The following CKB variants were observed in gnomAD, a reference collection of about 807,000 sequenced individuals.
CKB encodes the protein creatine kinase B, also known as creatine kinase B-type.
A neutral mutation model predicts 36.9 loss-of-function variants in CKB; 15 were observed. The observed-to-expected ratio is 0.41, with a 90% CI of 0.27 to 0.63. CKB has a LOEUF of 0.63. CKB is among the 20% of genes least tolerant of loss of function. The pLI is 0.34. For synonymous variants in CKB, 250 were observed against 228.2 expected (o/e 1.10, Z -0.86); for missense variants, 413 against 534.9 (o/e 0.77, Z 2.25).
At chr14:103,520,071 A>C in intron 7 of CKB, 29 bp from the exon 8 acceptor site, 3 of 1,607,554 alleles carry the variant, frequency 1.9e-6, no homozygotes, top group Non-Finnish European at 2.5e-6. Context: ...AGGGCGGAGG[A>C]AACAGGGCTG....
In CKB at chr14:103,522,588, G is replaced by GC; in HGVS notation, c.-12-84dup. The GC allele has an allele frequency of 2.3e-6, 2 of 887,256 alleles. No homozygotes were observed. Among genetic ancestry groups the GC allele is most frequent in the Middle Eastern group, 4.0e-4 (1 of 2,490 alleles). The allele number at this position is 887,256 out of a possible 1,614,324, so 55.0% of individuals were successfully genotyped here. On this transcript the variant is annotated intron_variant, in intron 1 of 7. Transcript: ENST00000348956. The surrounding 1 kb of genome is among the most constrained non-coding windows in gnomAD (Gnocchi z 6.7). The stretch of plus-strand genomic sequence containing the variant: ...GTACCACTCAGGCCCCCGCCGCCGG[G>GC]CCCCCCGGCGCCCCCCGGGACGCGG...
At chr14:103,521,136 C>A in intron 5 of CKB, 127 bp downstream of exon 5, 1 of 1,179,372 alleles carries the variant, frequency 8.5e-7, no homozygotes, top group Non-Finnish European at 1.2e-6. Context: ...CGGAGCGCGG[C>A]CGGCCCCTCC....
chr14:103,520,821 G>C, intron 5 of CKB: 1 of 595,590 alleles, frequency 1.7e-6, no homozygotes, highest in Non-Finnish European at 2.8e-6. Flanking sequence ...GGCGGGGCCA[G>C]GGACCGCCAG....
At position 103,522,455 on chromosome 14, in the gene CKB, G is replaced by T; in HGVS notation, c.39C>A (p.Arg13=). Residue 13 remains arginine, a synonymous_variant, in exon 2 of 8, where the codon CGC becomes CGA. Coordinates refer to ENST00000348956, the MANE Select transcript of CKB (RefSeq NM_001823.5). The surrounding 1 kb of genome is among the most constrained non-coding windows in gnomAD (Gnocchi z 6.7). ...FSNSHNALKL[R]FPAEDEFPDL... is the part of the protein sequence containing the mutation. ...CGGGGAACTCGTCCTCGGCCGGGAA[G>T]CGCAGCTTCAGTGCGTTGTGGCTGT... 1 of 1,609,714 alleles carries T rather than the reference G, an allele frequency of 6.2e-7. No homozygotes were observed. Among genetic ancestry groups the T allele is most frequent in the Non-Finnish European group, 8.5e-7 (1 of 1,178,670 alleles).
chr14:103,519,939 C>T lies in CKB; in HGVS notation c.1071G>A (p.Val357=), dbSNP rs771088607. Residue 357 remains valine (V), a synonymous_variant, in exon 8 of 8, where the codon GTG becomes GTA. Transcript: ENST00000348956. ...VELVQMVVDG[V]KLLIEMEQRL... ...GCTGCTCCATCTCGATGAGCAGCTTCACTCCGTCCACCACCATCTGCACCA... is the reference window on the plus strand; with the variant it reads ...GCTGCTCCATCTCGATGAGCAGCTTTACTCCGTCCACCACCATCTGCACCA... 5 of 1,610,210 alleles carry T rather than the reference C, an allele frequency of 3.1e-6. No individual in the cohort carries two copies. The highest frequency in any genetic ancestry group is 4.2e-6 in the Non-Finnish European group (5 of 1,179,948).
At chr14:103,521,041 C>T in intron 5 of CKB, 1 of 688,542 alleles carries the variant, frequency 1.5e-6, no homozygotes, top group Non-Finnish European at 2.6e-6. Flanking sequence ...GTCCTGAGCC[C>T]CCACGGGCCG....
intron 5 of CKB, chr14:103,520,969 G>C (rs952769649): frequency 1.8e-6 from 1 of 570,592 alleles, no homozygotes; most frequent in African/African-American, 1.9e-5. Flanking sequence ...CAGGGCCGTC[G>C]GGGAGAGGCG....
At chr14:103,520,985 G>A (rs2075896076) in intron 5 of CKB, 4 of 584,264 alleles carry the variant, frequency 6.8e-6, no homozygotes, top group Non-Finnish European at 1.2e-5. Context: ...AGGCGCCAGA[G>A]AGCCCCGCCC....
At chr14:103,521,581 G>T in intron 4 of CKB, 147 bp from the exon 5 acceptor site, 1 of 960,764 alleles carries the variant, frequency 1.0e-6, no homozygotes, top group Non-Finnish European at 1.4e-6. Flanking sequence ...TCACGGCCCG[G>T]GCGACGGTCC....
rs761780262 is a variant in CKB, at chr14:103,519,821, A to G, written c.*43T>C. 8 of 1,560,248 alleles carry G rather than the reference A, an allele frequency of 5.1e-6. No homozygotes were observed. ...GCATGGTGGGCACTGCCCAGGCAAT[A>G]AGTTAGGAAGCAGCAGGGCTGGTGT... On this transcript the variant is annotated 3_prime_UTR_variant, in exon 8 of 8. Transcript: ENST00000348956.
Position 103,521,398 on chromosome 14 carries a change from T to C in CKB, c.518A>G (p.Tyr173Cys). ...CTCCGTCATGCTCTTGAGCGCGTAGTATCGGCCCGCCAGGTCGCCGTCCAG... is the reference window on the plus strand; with the variant it reads ...CTCCGTCATGCTCTTGAGCGCGTAGCATCGGCCCGCCAGGTCGCCGTCCAG... ...SSLDGDLAGR[Y>C]YALKSMTEAE... The change falls in exon 5 of 8, where the codon TAC becomes TGC. Residue 173 changes from tyrosine to cysteine, a missense_variant. By Grantham distance (194) the Tyr-to-Cys change is radical. Transcript: ENST00000348956. The C allele has an allele frequency of 6.2e-7, 1 of 1,606,226 alleles. No individual in the cohort carries two copies. Among genetic ancestry groups the C allele is most frequent in the Non-Finnish European group, 8.5e-7 (1 of 1,178,958 alleles).
Position 103,520,458 on chromosome 14 carries a change from G to A in CKB, c.777+11C>T, listed in dbSNP as rs1247976922. On this transcript the variant is annotated intron_variant, in intron 6 of 7. Coordinates refer to ENST00000348956, the MANE Select transcript of CKB (RefSeq NM_001823.5). ...GGGCCCTGGGGTCTGGGCCTGCCCC[G>A]TCCCTGGCACCTGGGTGAGGCCGGT... The A allele has an allele frequency of 3.8e-6, 6 of 1,598,438 alleles. No homozygotes were observed. The highest frequency in any genetic ancestry group is 1.7e-4 in the Middle Eastern group (1 of 6,030).
Position 103,522,400 on chromosome 14 carries a change from T to C in CKB, c.94A>G (p.Lys32Glu). 6.2e-7 allele frequency: 1 copy of C among 1,609,980 alleles called. No homozygotes were observed. The highest frequency in any genetic ancestry group is 8.5e-7 in the Non-Finnish European group (1 of 1,178,744). ...GCGTACAGCTCGGGGGTCAGCACCT[T>C]GGCCATGTGGTTGTTGTGGGCGCTC... ...DLSAHNNHMA[K>E]VLTPELYAEL... is the part of the protein sequence containing the mutation. The change falls in exon 2 of 8, where the codon AAG becomes GAG. Residue 32 changes from lysine to glutamate, a missense_variant. Coordinates refer to ENST00000348956, the MANE Select transcript of CKB (RefSeq NM_001823.5). The surrounding 1 kb of genome is among the most constrained non-coding windows in gnomAD (Gnocchi z 6.7).
chr14:103,522,235 G>A lies in CKB; in HGVS notation c.194-58C>T. The stretch of plus-strand genomic sequence containing the variant: ...CGTCACTGCCGGGCCCGAGCGCGCT[G>A]CTGAGGACCCTGCGGCTGCGCGGGG... On this transcript the variant is annotated intron_variant, in intron 2 of 7. Coordinates refer to ENST00000348956, the MANE Select transcript of CKB (RefSeq NM_001823.5). The surrounding 1 kb of genome is among the most constrained non-coding windows in gnomAD (Gnocchi z 6.7). 6.3e-7 allele frequency: 1 copy of A among 1,578,332 alleles called. No individual in the cohort carries two copies. The highest frequency in any genetic ancestry group is 8.6e-7 in the Non-Finnish European group (1 of 1,164,694).
chr14:103,521,164 C>A lies in CKB; in HGVS notation c.653+99G>T, dbSNP rs952821803. On this transcript the variant is annotated intron_variant, in intron 5 of 7. Transcript: ENST00000348956. The stretch of plus-strand genomic sequence containing the variant: ...GCCCCTCCCTCCTCCTCCTCCTCCT[C>A]CTCGCCGCGAGGGGCCCCACCCCCG... 1.1e-5 allele frequency: 16 copies of A among 1,409,802 alleles called. No homozygotes were observed. In the African/African-American group the frequency reaches 1.6e-4, roughly 14 times the overall value. The allele number at this position is 1,409,802 out of a possible 1,614,324, so 87.3% of individuals were successfully genotyped here.
chr14:103,521,607 C>CG, intron 4 of CKB, 173 bp from the exon 5 acceptor site: 1 of 890,244 alleles, frequency 1.1e-6, no homozygotes, highest in Non-Finnish European at 1.5e-6. Flanking sequence ...GGTGACCCCG[C>CG]GCCAGGACCC....
chr14:103,520,656 G>A, intron 5 of CKB, 64 bp from the exon 6 acceptor site: 3 of 1,540,974 alleles, frequency 1.9e-6, no homozygotes, highest in Admixed American at 2.0e-5. Flanking sequence ...CAGACCAAAG[G>A]AACTTCCCAA....
chr14:103,521,145 C>CCCTCCTCCTCCT lies in CKB; in HGVS notation c.653+106_653+117dup, dbSNP rs137901801. On this transcript the variant is annotated intron_variant, in intron 5 of 7. Transcript: ENST00000348956. Reference sequence around the variant, plus strand: ...CAGACCCGGAGCGCGGCCGGCCCCTCCCTCCTCCTCCTCCTCCTCCTCGCC... The same window carrying CCCTCCTCCTCCT: ...CAGACCCGGAGCGCGGCCGGCCCCTCCCTCCTCCTCCTCCTCCTCCTCCTCCTCCTCCTCGCC... The CCCTCCTCCTCCT allele has an allele frequency of 4.8e-6, 6 of 1,243,174 alleles. No individual in the cohort carries two copies. In the African/African-American group the frequency reaches 6.1e-5, roughly 13 times the overall value. The allele number at this position is 1,243,174 out of a possible 1,614,324, so 77.0% of individuals were successfully genotyped here.
At chr14:103,520,744 CG>C in intron 5 of CKB, 152 bp from the exon 6 acceptor site, 1 of 1,079,100 alleles carries the variant, frequency 9.3e-7, no homozygotes, top group Non-Finnish European at 1.3e-6. Flanking sequence ...ACGGGGCGGG[CG>C]GGGGAACCGG....
Sources: allele counts gnomAD v4.1 joint callset, GRCh38; gene constraint gnomAD v4.1.1; non-coding constraint Gnocchi (gnomAD v3.1); transcripts MANE v1.5; gene names NCBI Gene and HGNC (gene_info 2026-07-23, HGNC 2026-07-21).